The following CLEC2A variants were observed in gnomAD, a reference collection of about 807,000 sequenced individuals.
CLEC2A encodes C-type lectin domain family 2 member A.
Under a neutral mutation model 18.6 loss-of-function variants are expected in CLEC2A, and 19 were observed. The ratio of observed to expected loss-of-function variants is 1.02; its 90% CI spans 0.71 to 1.50. The LOEUF is 1.50. CLEC2A is among the 40% of genes most tolerant of loss of function. The pLI is 0.00. For missense variants in CLEC2A, 190 were observed against 207.9 expected (o/e 0.91, Z 0.53); for synonymous variants, 74 against 64.0 (o/e 1.16, Z -0.75).
At chr12:9,908,886 G>C (rs1370552687), downstream of CLEC2A, among the ~76,000 whole-genome samples, 1 of 152,136 alleles carries the variant, frequency 6.6e-6, no homozygotes, top group Non-Finnish European at 1.5e-5. Flanking sequence ...TGGGGGCTTT[G>C]TTTAGAAATG....
At chr12:9,880,807 C>A in the CLEC2A span, among the ~76,000 whole-genome samples, 1 of 152,128 alleles carries the variant, frequency 6.6e-6, no homozygotes, top group Non-Finnish European at 1.5e-5. Context: ...AGTCACATTA[C>A]AGAGGAGGCA....
chr12:9,926,335 A>G lies in CLEC2A; in HGVS notation c.64T>C (p.Leu22=). The G allele has an allele frequency of 6.5e-7, 1 of 1,545,022 alleles. No individual in the cohort carries two copies. The highest frequency in any genetic ancestry group is 8.8e-7 in the Non-Finnish European group (1 of 1,141,346). The change falls in exon 2 of 5, where the codon TTG becomes CTG. Residue 22 remains leucine (L), a synonymous_variant. Coordinates refer to ENST00000455827, the MANE Select transcript of CLEC2A (RefSeq NM_001130711.2). ...AGGCCAATCTTCCAGTTTTGTATCAACTTGGGAACTGCAAATTAAATCAAC... is the reference window on the plus strand; with the variant it reads ...AGGCCAATCTTCCAGTTTTGTATCAGCTTGGGAACTGCAAATTAAATCAAC... The part of the protein sequence containing the change: ...DGFIHRIVPK[L]IQNWKIGLMC...
the CLEC2A span, among the ~76,000 whole-genome samples, chr12:9,880,745 G>C: frequency 2.6e-5 from 4 of 151,692 alleles, no homozygotes; most frequent in Non-Finnish European, 5.9e-5. Context: ...CTCACTCAGG[G>C]AAGACAAGTC....
downstream of CLEC2A, among the ~76,000 whole-genome samples, chr12:9,894,933 A>C (rs1476067555): frequency 6.6e-6 from 1 of 152,184 alleles, no homozygotes; most frequent in East Asian, 1.9e-4. Context: ...CTTTTATCTT[A>C]TCATTTAAGG....
chr12:9,889,321 G>C, the CLEC2A span, among the ~76,000 whole-genome samples: 2 of 152,112 alleles, frequency 1.3e-5, no homozygotes, highest in Non-Finnish European at 2.9e-5. Flanking sequence ...ACCATACCTA[G>C]GCAGTTTGTC....
At chr12:9,889,632 A>C in the CLEC2A span, among the ~76,000 whole-genome samples, 1 of 148,796 alleles carries the variant, frequency 6.7e-6, no homozygotes, top group African/African-American at 2.6e-5. Flanking sequence ...ATCTCTCTCT[A>C]TATGTGTATA....
At chr12:9,891,622 A>G in the CLEC2A span, among the ~76,000 whole-genome samples, 3 of 152,194 alleles carry the variant, frequency 2.0e-5, no homozygotes, top group African/African-American at 7.2e-5. Flanking sequence ...GCAAACAACT[A>G]TGTATTTGTA....
At chr12:9,926,829 T>G (rs1863280809) in intron 1 of CLEC2A, among the ~76,000 whole-genome samples, 2 of 152,162 alleles carry the variant, frequency 1.3e-5, no homozygotes, top group South Asian at 4.1e-4. Flanking sequence ...AAACAATGTG[T>G]TTCAGCCAGA....
intron 4 of CLEC2A, among the ~76,000 whole-genome samples, chr12:9,902,233 ATTT>A (rs3994065): frequency 4.5e-4 from 60 of 132,554 alleles, no homozygotes; most frequent in East Asian, 1.1e-3. Context: ...AAGGTTTGCC[ATTT>A]TTTTTTTTTT....
chr12:9,888,499 AT>A, the CLEC2A span, among the ~76,000 whole-genome samples: 1 of 152,002 alleles, frequency 6.6e-6, no homozygotes, highest in Non-Finnish European at 1.5e-5. Context: ...CAAAAAAAAA[AT>A]AAAAATAATA....
chr12:9,909,477 C>G (rs1344617587), downstream of CLEC2A, among the ~76,000 whole-genome samples: 1 of 152,178 alleles, frequency 6.6e-6, no homozygotes, highest in Non-Finnish European at 1.5e-5. Flanking sequence ...AAGTATATAA[C>G]TGGGGTCCTA....
chr12:9,893,478 T>G, the CLEC2A span: 1 of 1,522,830 alleles, frequency 6.6e-7, no homozygotes, highest in Non-Finnish European at 8.8e-7. Flanking sequence ...TGGATTGGAC[T>G]ATATGTTACA....
intron 4 of CLEC2A, among the ~76,000 whole-genome samples, chr12:9,900,768 T>G (rs1862814888): frequency 6.6e-6 from 1 of 152,156 alleles, no homozygotes; most frequent in Non-Finnish European, 1.5e-5. Flanking sequence ...GAGGCCAGTT[T>G]CCCCACTGGA....
chr12:9,901,183 G>A (rs180967803), intron 4 of CLEC2A, among the ~76,000 whole-genome samples: 2 of 152,270 alleles, frequency 1.3e-5, no homozygotes, highest in Non-Finnish European at 2.9e-5. Flanking sequence ...CTTGACATTC[G>A]TGAACATTTC....
intron 4 of CLEC2A, among the ~76,000 whole-genome samples, chr12:9,902,736 G>A (rs542051509): frequency 1.3e-5 from 2 of 152,078 alleles, no homozygotes; most frequent in Non-Finnish European, 2.9e-5. Flanking sequence ...ATTTACTTCT[G>A]TAGAAAGGTG....
downstream of CLEC2A, among the ~76,000 whole-genome samples, chr12:9,897,698 C>A (rs1862772180): frequency 6.6e-6 from 1 of 151,200 alleles, no homozygotes; most frequent in Non-Finnish European, 1.5e-5. Context: ...TGGCTCTACC[C>A]CATTCTCCCA....
downstream of CLEC2A, chr12:9,895,684 C>T (rs1441781084): frequency 6.6e-7 from 1 of 1,521,002 alleles, no homozygotes; most frequent in East Asian, 2.5e-5. Context: ...TCCTTTGTCT[C>T]TTAGGTTTTC....
At chr12:9,926,017 A>C (rs1011606972) in intron 2 of CLEC2A, among the ~76,000 whole-genome samples, 1 of 152,194 alleles carries the variant, frequency 6.6e-6, no homozygotes, top group African/African-American at 2.4e-5. Context: ...AGAATTTAAG[A>C]TTATTTTTCT....
chr12:9,926,201 T>C, intron 2 of CLEC2A, 59 bp downstream of exon 2: 2 of 1,005,762 alleles, frequency 2.0e-6, no homozygotes, highest in South Asian at 1.5e-5. Context: ...AAACTTGAGA[T>C]ATACATGGAC....
Sources: allele counts gnomAD v4.1 joint callset (sites outside exome capture counted in the v4.1 genomes callset), GRCh38; gene constraint gnomAD v4.1.1; transcripts MANE v1.5; gene names NCBI Gene and HGNC (gene_info 2026-07-23, HGNC 2026-07-21).